SPRED2: variants seen among roughly 807,000 people sequenced by gnomAD.
SPRED2 encodes sprouty-related, EVH1 domain-containing protein 2.
Under a neutral mutation model 43.0 loss-of-function variants are expected in SPRED2, and 47 were observed. That is an observed-to-expected ratio of 1.09 (90% CI 0.87 to 1.40). SPRED2 has a LOEUF of 1.40. Among genes scored for constraint, SPRED2 ranks in the 40% most tolerant of loss-of-function variants. The pLI is 0.00. For synonymous variants in SPRED2, 225 were observed against 225.7 expected (o/e 1.00, Z 0.03); for missense variants, 561 against 586.4 (o/e 0.96, Z 0.45).
In SPRED2 at chr2:65,362,865, A is replaced by AAAAG. The variant is rs1553421895; in HGVS notation, c.27-17970_27-17969insCTTT. ...AAGAGTGAAACTCCATTTCAAAAAA[A>AAAAG]AAAAGAAAAGAAAAGAAAAGAAAAA... On this transcript the variant is annotated intron_variant, in intron 1 of 5. Transcript: ENST00000356388. Among the ~76,000 whole-genome samples, 8 of 150,554 alleles carry AAAAG rather than the reference A, an allele frequency of 5.3e-5. No individual in the cohort carries two copies. In the South Asian group the frequency reaches 6.2e-4, roughly 12 times the overall value.
intron 1 of SPRED2, among the ~76,000 whole-genome samples, chr2:65,386,145 C>G (rs1191140353): frequency 6.6e-6 from 1 of 151,894 alleles, no homozygotes; most frequent in Admixed American, 6.6e-5. Flanking sequence ...ATTAGCTGGG[C>G]GTGGTAGCGG....
At chr2:65,308,133 TCAGGGCAGCAG>T (rs1672979776), downstream of SPRED2, among the ~76,000 whole-genome samples, 1 of 152,126 alleles carries the variant, frequency 6.6e-6, no homozygotes, top group Non-Finnish European at 1.5e-5. Context: ...TGGACCAGCA[TCAGGGCAGCAG>T]CAGGGAGGAA....
At chr2:65,308,658 T>C (rs1277296999), downstream of SPRED2, 7 of 735,684 alleles carry the variant, frequency 9.5e-6, no homozygotes, top group Non-Finnish European at 1.0e-5. Context: ...GCATATCATT[T>C]AACCTTCACG....
At chr2:65,430,760 A>G (rs1462948415) in intron 1 of SPRED2, among the ~76,000 whole-genome samples, 1 of 151,922 alleles carries the variant, frequency 6.6e-6, no homozygotes, top group Non-Finnish European at 1.5e-5. Flanking sequence ...TACCTTGGCT[A>G]ATGGCAGCAC....
Position 65,314,187 on chromosome 2 carries a change from A to T in SPRED2, c.589-18T>A. 6.4e-7 allele frequency: 1 copy of T among 1,554,480 alleles called. No homozygotes were observed. Among genetic ancestry groups the T allele is most frequent in the Non-Finnish European group, 8.7e-7 (1 of 1,146,846 alleles). On this transcript the variant is annotated intron_variant, in intron 5 of 5. Transcript: ENST00000356388. ...GGCATCGGCTGTCCCGTAGGAGAGG[A>T]GACATTATTTTACAGCAGCGGCCAA...
At chr2:65,346,008 T>C (rs191652285) in intron 1 of SPRED2, among the ~76,000 whole-genome samples, 91 of 152,366 alleles carry the variant, frequency 6.0e-4, no homozygotes, top group African/African-American at 1.9e-3. Context: ...GTGTTGTATA[T>C]GCCAGGCGTT....
chr2:65,404,314 A>G (rs1025216436), intron 1 of SPRED2, among the ~76,000 whole-genome samples: 1 of 152,202 alleles, frequency 6.6e-6, no homozygotes, highest in African/African-American at 2.4e-5. Flanking sequence ...AAATAAAGGG[A>G]AAGTCTGTAA....
At chr2:65,415,507 G>C (rs933829655) in intron 1 of SPRED2, among the ~76,000 whole-genome samples, 2 of 151,688 alleles carry the variant, frequency 1.3e-5, no homozygotes, top group African/African-American at 4.8e-5. Context: ...CAAAGTAACT[G>C]GCCCCCACTC....
intron 1 of SPRED2, among the ~76,000 whole-genome samples, chr2:65,402,659 T>C (rs1288372265): frequency 6.6e-6 from 1 of 152,184 alleles, no homozygotes; most frequent in Non-Finnish European, 1.5e-5. Flanking sequence ...AGTGAAGGCA[T>C]AGGAATTCCT....
intron 5 of SPRED2, among the ~76,000 whole-genome samples, chr2:65,316,305 T>C (rs973793170): frequency 2.0e-5 from 3 of 152,246 alleles, no homozygotes; most frequent in Non-Finnish European, 4.4e-5. Flanking sequence ...TCCTTAGTCC[T>C]GATTGTGGCT....
chr2:65,338,785 T>C (rs1407553727), intron 2 of SPRED2, among the ~76,000 whole-genome samples: 2 of 151,166 alleles, frequency 1.3e-5, no homozygotes, highest in African/African-American at 2.4e-5. Flanking sequence ...GGAGCCCCTC[T>C]GCCTGGCTGC....
At chr2:65,325,287 C>T (rs1025626489) in intron 4 of SPRED2, among the ~76,000 whole-genome samples, 2 of 152,192 alleles carry the variant, frequency 1.3e-5, no homozygotes, top group Non-Finnish European at 2.9e-5. Flanking sequence ...CTCTGACCAG[C>T]CCATTTGGGA....
At chr2:65,392,371 T>C (rs1354688711) in intron 1 of SPRED2, among the ~76,000 whole-genome samples, 2 of 151,872 alleles carry the variant, frequency 1.3e-5, no homozygotes, top group African/African-American at 4.8e-5. Context: ...AGACAGGGTA[T>C]CATTATGTTG....
intron 1 of SPRED2, among the ~76,000 whole-genome samples, chr2:65,427,966 G>A (rs1375722124): frequency 1.3e-5 from 2 of 152,134 alleles, no homozygotes; most frequent in African/African-American, 2.4e-5. Context: ...TTATAATAGG[G>A]ATAATAATAC....
At chr2:65,412,849 C>T (rs1487257774) in intron 1 of SPRED2, among the ~76,000 whole-genome samples, 1 of 152,214 alleles carries the variant, frequency 6.6e-6, no homozygotes, top group African/African-American at 2.4e-5. Context: ...GAAGTTTCCT[C>T]CCATGTCCTC....
chr2:65,399,380 A>G (rs893948874), intron 1 of SPRED2, among the ~76,000 whole-genome samples: 1 of 144,092 alleles, frequency 6.9e-6, no homozygotes, highest in African/African-American at 2.5e-5. Context: ...GGAAACTATT[A>G]TTCTTTTTTT....
chr2:65,372,181 C>T (rs986291297), intron 1 of SPRED2, among the ~76,000 whole-genome samples: 3 of 152,188 alleles, frequency 2.0e-5, no homozygotes, highest in East Asian at 1.9e-4. Flanking sequence ...AACTCACATT[C>T]TCCCAAAGCC....
intron 3 of SPRED2, 48 bp downstream of exon 3, chr2:65,334,557 T>C (rs1025664793): frequency 5.0e-6 from 8 of 1,589,498 alleles, no homozygotes; most frequent in Non-Finnish European, 1.7e-6. Context: ...AAAAATAATT[T>C]GGAACATTTC....
chr2:65,384,044 G>A (rs1328055122), intron 1 of SPRED2, among the ~76,000 whole-genome samples: 3 of 152,096 alleles, frequency 2.0e-5, no homozygotes, highest in Admixed American at 6.6e-5. Context: ...CATCTGCCTC[G>A]CTGCCACTGG....
Sources: allele counts gnomAD v4.1 joint callset (sites outside exome capture counted in the v4.1 genomes callset), GRCh38; gene constraint gnomAD v4.1.1; transcripts MANE v1.5; gene names NCBI Gene and HGNC (gene_info 2026-07-23, HGNC 2026-07-21).